Variants in FBRS observed in about 807,000 individuals in gnomAD.
FBRS encodes the protein probable fibrosin-1.
In FBRS, 15 loss-of-function variants were observed where a neutral mutation model predicts 86.1. That is an observed-to-expected ratio of 0.17 (90% CI 0.12 to 0.27). The LOEUF is 0.27. Among genes scored for constraint, FBRS ranks in the 10% least tolerant of loss-of-function variants. The probability of loss-of-function intolerance (pLI) is 1.00; values close to 1 mark genes in which losing one functional copy is unlikely to be tolerated. For synonymous variants in FBRS, 666 were observed against 575.8 expected (o/e 1.16, Z -2.24); for missense variants, 1,367 against 1,301.6 (o/e 1.05, Z -0.77).
rs373953665 is a variant in FBRS, at chr16:30,668,520, G to A, written c.2075-40G>A. On this transcript the variant is annotated intron_variant, in intron 15 of 17. Coordinates refer to ENST00000356166, the MANE Select transcript of FBRS (RefSeq NM_001105079.3). ...CCAGGCCTGGTGCCTGCTCAGCACC[G>A]GCTGCCCAGTGCTCTGACCACCCCC... The A allele has an allele frequency of 8.9e-6, 14 of 1,579,706 alleles. No homozygotes were observed. The Admixed American group carries it at 1.0e-4, about 11-fold the overall frequency.
In FBRS at chr16:30,662,772, C is replaced by A. The variant is rs1487878925; in HGVS notation, c.968C>A (p.Pro323Gln). ...PLPATPSLPP[P>Q]PQPQLQLRVS... The stretch of plus-strand genomic sequence containing the variant: ...CCGGCCACTCCCAGTCTGCCACCCC[C>A]ACCCCAGCCCCAGCTGCAGCTTCGG... The change falls in exon 6 of 18, where the codon CCA (proline) becomes CAA (glutamine). Residue 323 changes from proline (P) to glutamine (Q), a missense_variant. Physicochemically the swap from Pro to Gln is moderately conservative, Grantham distance 76 (BLOSUM62 -1). This residue lies in a region of FBRS where 702 missense variants were observed against 598.7 expected (regional missense o/e 1.17). Coordinates refer to ENST00000356166, the MANE Select transcript of FBRS (RefSeq NM_001105079.3). 3.3e-6 allele frequency: 5 copies of A among 1,509,456 alleles called. No homozygotes were observed. In the African/African-American group the frequency reaches 7.0e-5, roughly 21 times the overall value. 93.5% of individuals were successfully genotyped at this position (1,509,456 alleles called of 1,614,324 possible).
chr16:30,663,033 C>T (rs1312419962), intron 6 of FBRS, 174 bp downstream of exon 6: 4 of 1,170,262 alleles, frequency 3.4e-6, no homozygotes, highest in African/African-American at 1.6e-5. Flanking sequence ...GTTACACATT[C>T]CCATGCAGGG....
rs1567543038 is a variant in FBRS at position 30,659,839 on chromosome 16, GGAA to G, written c.324_326del (p.Glu115del). On this transcript the variant is annotated inframe_deletion, in exon 1 of 18. Transcript: ENST00000356166. The stretch of plus-strand genomic sequence containing the variant: ...CTGCCGGCTCGGGCAGCCGCGGGGA[GGAA>G]GAGGAGGAGGAGGAGGAGGAGGGGG... 1.8e-5 allele frequency: 28 copies of G among 1,529,554 alleles called. No homozygotes were observed. The highest frequency in any genetic ancestry group is 2.5e-5 in the East Asian group (1 of 40,396). The allele number at this position is 1,529,554 out of a possible 1,614,324, so 94.7% of individuals were successfully genotyped here.
At chr16:30,661,646 CT>C (rs2052463107) in intron 4 of FBRS, among the ~76,000 whole-genome samples, 1 of 152,104 alleles carries the variant, frequency 6.6e-6, no homozygotes, top group South Asian at 2.1e-4. Context: ...TGAGATGGGC[CT>C]TCTTCCCATC....
rs777284808 is a variant in FBRS, at chr16:30,664,933, T to C, written c.1563+13T>C. The C allele has an allele frequency of 1.9e-6, 3 of 1,610,034 alleles. No individual in the cohort carries two copies. Among genetic ancestry groups the C allele is most frequent in the Non-Finnish European group, 2.5e-6 (3 of 1,177,912 alleles). On this transcript the variant is annotated intron_variant, in intron 8 of 17. Coordinates refer to ENST00000356166, the MANE Select transcript of FBRS (RefSeq NM_001105079.3). ...CGGCCCCCACATGGTGAGCTCCTCA[T>C]TGGGCTGGCGATGAGGCTCGGAGGC...
At position 30,665,630 on chromosome 16, in the gene FBRS, T is replaced by C. The variant is rs1348910586; in HGVS notation, c.1705-8T>C. On this transcript the variant is annotated splice_polypyrimidine_tract_variant and splice_region_variant and intron_variant, in intron 10 of 17. Coordinates refer to ENST00000356166, the MANE Select transcript of FBRS (RefSeq NM_001105079.3). This position sits in a 1 kb window ranked among gnomAD's most constrained non-coding sequence, Gnocchi z 4.1. ...CTCCTGTCTGATCCCTCCACTCCCCTTTCCCAGAGCACGAACCCTGAGCTG... is the reference window on the plus strand; with the variant it reads ...CTCCTGTCTGATCCCTCCACTCCCCCTTCCCAGAGCACGAACCCTGAGCTG... 1.3e-6 allele frequency: 2 copies of C among 1,582,414 alleles called. No homozygotes were observed. The highest frequency in any genetic ancestry group is 1.8e-5 in the Admixed American group (1 of 54,918).
chr16:30,659,730 C>T lies in FBRS; in HGVS notation c.212C>T (p.Ser71Leu), dbSNP rs1412654006. The T allele has an allele frequency of 3.2e-6, 4 of 1,252,564 alleles. No individual in the cohort carries two copies. The highest frequency in any genetic ancestry group is 4.4e-6 in the Non-Finnish European group (4 of 913,868). The allele number at this position is 1,252,564 out of a possible 1,614,324, so 77.6% of individuals were successfully genotyped here. A position where few individuals can be genotyped will look rare whatever the true frequency, so the allele number is the denominator to read the frequency against. Reference protein sequence around the residue: ...PPPARPWSSASSGERPGGPRR... With the variant: ...PPPARPWSSALSGERPGGPRR... ...CCCGCCAGGCCTTGGTCGTCAGCTT[C>T]GTCTGGAGAGCGGCCTGGGGGCCCG... The change falls in exon 1 of 18, where the codon TCG (serine) becomes TTG (leucine). Residue 71 changes from serine (S) to leucine (L), a missense_variant. Ser to Leu is a moderately radical substitution (Grantham distance 145). Transcript: ENST00000356166.
chr16:30,667,093 A>G, intron 13 of FBRS, 103 bp downstream of exon 13: 1 of 1,222,076 alleles, frequency 8.2e-7, no homozygotes, highest in Non-Finnish European at 1.2e-6. Context: ...TTGGCCAGAA[A>G]CATTCTCTCC....
Position 30,665,573 on chromosome 16 carries a change from G to T in FBRS, c.1705-65G>T, listed in dbSNP as rs905370796. The T allele has an allele frequency of 6.6e-7, 1 of 1,524,194 alleles. No homozygotes were observed. 94.4% of individuals were successfully genotyped at this position (1,524,194 alleles called of 1,614,324 possible). On this transcript the variant is annotated intron_variant, in intron 10 of 17. Transcript: ENST00000356166. This position sits in a 1 kb window ranked among gnomAD's most constrained non-coding sequence, Gnocchi z 4.1. ...CCCTCCCTGCCCAGTGTCCCAGCTT[G>T]GTTCTGGATCCCTTTGTGCTTGGTG...
Position 30,665,154 on chromosome 16 carries a change from G to T in FBRS, c.1608+75G>T. 6.4e-7 allele frequency: 1 copy of T among 1,570,234 alleles called. No individual in the cohort carries two copies. Among genetic ancestry groups the T allele is most frequent in the Non-Finnish European group, 8.6e-7 (1 of 1,157,934 alleles). ...TGCATCCATGCTTGTGACCCTGACT[G>T]CTGGGGTCCAGTCTTCAGCACAAAA... On this transcript the variant is annotated intron_variant, in intron 9 of 17. Coordinates refer to ENST00000356166, the MANE Select transcript of FBRS (RefSeq NM_001105079.3). The surrounding 1 kb of genome is among the most constrained non-coding windows in gnomAD (Gnocchi z 4.1).
intron 13 of FBRS, 29 bp from the exon 14 acceptor site, chr16:30,667,291 T>C (rs370733333): frequency 8.4e-5 from 126 of 1,494,904 alleles, no homozygotes; most frequent in Non-Finnish European, 1.1e-4. Context: ...GCTCCTCATG[T>C]ACTGCCCCTC....
chr16:30,661,381 G>C, intron 4 of FBRS, 48 bp downstream of exon 4: 2 of 1,550,614 alleles, frequency 1.3e-6, no homozygotes, highest in South Asian at 2.4e-5. Context: ...CTTGTAAAAG[G>C]GACTGCAGCA....
Position 30,658,916 on chromosome 16 carries a change from C to CCA in FBRS, c.-596_-595dup, listed in dbSNP as rs752152996. ...GGGTTTTTCTTTACGTCCTCCTCCC[C>CCA]CACACACAAGAAGTCTTTTAAATTC... On this transcript the variant is annotated 5_prime_UTR_variant, in exon 1 of 18. Transcript: ENST00000356166. 1.3e-5 allele frequency: 2 copies of CCA among 152,350 alleles called. No homozygotes were observed. The highest frequency in any genetic ancestry group is 4.1e-4 in the South Asian group (2 of 4,828). The allele number at this position is 152,350 out of a possible 1,614,324, so 9.4% of individuals were successfully genotyped here.
chr16:30,660,380 G>A lies in FBRS; in HGVS notation c.577G>A (p.Glu193Lys), dbSNP rs1374004110. ...TGEPGDSSDREPGRPPGDRAR... is the reference protein window; with the variant it reads ...TGEPGDSSDRKPGRPPGDRAR... The stretch of plus-strand genomic sequence containing the variant: ...GGAGCCAGGGGACAGCTCTGATCGA[G>A]AGCCTGGCCGGCCCCCTGGGGATCG... The change falls in exon 2 of 18, where the codon GAG becomes AAG. Residue 193 changes from glutamate to lysine, a missense_variant. Glu to Lys is a moderately conservative substitution (Grantham distance 56). Transcript: ENST00000356166. 5 of 1,265,684 alleles carry A rather than the reference G, an allele frequency of 4.0e-6. No homozygotes were observed. The highest frequency in any genetic ancestry group is 5.0e-6 in the Non-Finnish European group (5 of 996,256). 78.4% of individuals were successfully genotyped at this position (1,265,684 alleles called of 1,614,324 possible).
In FBRS at chr16:30,670,176, A is replaced by G. The variant is rs1273789025; in HGVS notation, c.*531A>G. On this transcript the variant is annotated 3_prime_UTR_variant, in exon 18 of 18. Transcript: ENST00000356166. The stretch of plus-strand genomic sequence containing the variant: ...CCAACAGTTCCCTTCCTGGTTAATT[A>G]AACCCTCAGACTGGTGCTGTGTTCC... 4.4e-6 allele frequency: 2 copies of G among 458,442 alleles called. No homozygotes were observed. The highest frequency in any genetic ancestry group is 8.8e-6 in the Non-Finnish European group (2 of 227,220). 28.4% of individuals were successfully genotyped at this position (458,442 alleles called of 1,614,324 possible).
At chr16:30,662,891 GA>G in intron 6 of FBRS, 32 bp downstream of exon 6, 1 of 1,422,372 alleles carries the variant, frequency 7.0e-7, no homozygotes, top group East Asian at 2.6e-5. Flanking sequence ...ATGCGGTCCG[GA>G]AGGGCCTGGT....
rs1435131128 is a variant in FBRS at position 30,658,842 on chromosome 16, A to T, written c.-677A>T. On this transcript the variant is annotated 5_prime_UTR_variant, in exon 1 of 18. Transcript: ENST00000356166. ...AGCCTTAAAGGGGAAGCCGCCGAGC[A>T]GACGCTGACAAATTGAGAACTGTGC... 6.6e-6 allele frequency: 1 copy of T among 152,142 alleles called. No individual in the cohort carries two copies. Among genetic ancestry groups the T allele is most frequent in the East Asian group, 1.9e-4 (1 of 5,178 alleles). 9.4% of individuals were successfully genotyped at this position (152,142 alleles called of 1,614,324 possible). A position where few individuals can be genotyped will look rare whatever the true frequency, so the allele number is the denominator to read the frequency against.
In FBRS at chr16:30,658,980, A is replaced by G. The variant is rs376146345; in HGVS notation, c.-539A>G. The stretch of plus-strand genomic sequence containing the variant: ...AGTGGCCGCTTGTGGAGGACTAGAA[A>G]CTAACTCCGAGCCCTTAAAGGGACG... On this transcript the variant is annotated 5_prime_UTR_variant, in exon 1 of 18. Transcript: ENST00000356166. The G allele has an allele frequency of 6.6e-6, 1 of 152,174 alleles. No homozygotes were observed. Among genetic ancestry groups the G allele is most frequent in the Non-Finnish European group, 1.5e-5 (1 of 68,058 alleles). The allele number at this position is 152,174 out of a possible 1,614,324, so 9.4% of individuals were successfully genotyped here. A position where few individuals can be genotyped will look rare whatever the true frequency, so the allele number is the denominator to read the frequency against.
In FBRS at chr16:30,665,971, A is replaced by G; in HGVS notation, c.1773+265A>G. 1 of 496,906 alleles carries G rather than the reference A, an allele frequency of 2.0e-6. No homozygotes were observed. The highest frequency in any genetic ancestry group is 3.6e-6 in the Non-Finnish European group (1 of 281,624). The allele number at this position is 496,906 out of a possible 1,614,324, so 30.8% of individuals were successfully genotyped here. ...AAACTTTTTAATAAAGTTACAAAAC[A>G]CTTTTTTTCCAAATGACATCATACC... On this transcript the variant is annotated intron_variant, in intron 11 of 17. Coordinates refer to ENST00000356166, the MANE Select transcript of FBRS (RefSeq NM_001105079.3). This position sits in a 1 kb window ranked among gnomAD's most constrained non-coding sequence, Gnocchi z 4.1.
Sources: gnomAD v4.1 joint callset for allele counts (sites outside exome capture counted in the v4.1 genomes callset) on GRCh38, gnomAD v4.1.1 for gene constraint, gnomAD v4.1.1 regional missense constraint, Gnocchi (gnomAD v3.1) non-coding constraint, MANE v1.5 for transcripts, NCBI Gene and HGNC (gene_info 2026-07-23, HGNC 2026-07-21) for gene names.